NRCAM: variants seen among roughly 807,000 people sequenced by gnomAD.
NRCAM encodes the protein neuronal cell adhesion molecule.
In NRCAM, 83 loss-of-function variants were observed where a neutral mutation model predicts 156.5. The observed-to-expected ratio is 0.53, with a 90% CI of 0.44 to 0.64. The LOEUF (loss-of-function observed/expected upper bound fraction) is 0.64. NRCAM is among the 30% of genes least tolerant of loss of function. NRCAM has a pLI of 0.00. For synonymous variants in NRCAM, 538 were observed against 563.9 expected, an observed-to-expected ratio of 0.95 and a Z score of 0.65; for missense variants, 1,417 against 1,597.3, an observed-to-expected ratio of 0.89 and a Z score of 1.92.
At chr7:108,446,777 T>G (rs1305395889) in intron 1 of NRCAM, among the ~76,000 whole-genome samples, 2 of 151,492 alleles carry the variant, frequency 1.3e-5, no homozygotes, top group African/African-American at 4.9e-5. Flanking sequence ...GCCCAGGCTG[T>G]AGTGCAAGTG....
intron 2 of NRCAM, among the ~76,000 whole-genome samples, chr7:108,320,908 C>T (rs1348634195): frequency 1.3e-5 from 2 of 152,314 alleles, no homozygotes; most frequent in South Asian, 2.1e-4. Flanking sequence ...TGTTAATTTA[C>T]GCAGGCGTAA....
At chr7:108,198,210 A>T in intron 13 of NRCAM, 111 bp from the exon 14 acceptor site, 1 of 754,008 alleles carries the variant, frequency 1.3e-6, no homozygotes, top group Non-Finnish European at 2.0e-6. Flanking sequence ...TACATGCAGT[A>T]AGAATAAGAC....
chr7:108,360,077 A>G (rs1405785010), intron 2 of NRCAM, among the ~76,000 whole-genome samples: 1 of 152,220 alleles, frequency 6.6e-6, no homozygotes, highest in Non-Finnish European at 1.5e-5. Flanking sequence ...TGGATGATTA[A>G]TCTGCTCTAT....
rs188052612 is a variant in NRCAM at position 108,400,608 on chromosome 7, C to T, written c.-331-1015G>A. Among the ~76,000 whole-genome samples, 38 of 152,316 alleles carry T rather than the reference C, an allele frequency of 2.5e-4. No homozygotes were observed. In the East Asian group the frequency reaches 6.4e-3, roughly 25 times the overall value. On this transcript the variant is annotated intron_variant, in intron 1 of 32. Coordinates refer to ENST00000379028, the MANE Select transcript of NRCAM (RefSeq NM_001037132.4). Reference sequence around the variant, plus strand: ...TGATGACCCCTCTAGCTCTAACATTCTGTCTTTTCTACACTTTTGGCACCT... The same window carrying T: ...TGATGACCCCTCTAGCTCTAACATTTTGTCTTTTCTACACTTTTGGCACCT...
chr7:108,268,644 G>GGGGGC (rs1491443403), intron 3 of NRCAM, among the ~76,000 whole-genome samples: 1 of 129,786 alleles, frequency 7.7e-6, no homozygotes, highest in Non-Finnish European at 1.7e-5. Flanking sequence ...GTTGGGGGGG[G>GGGGGC]CGGCGGTGGC....
Position 108,181,957 on chromosome 7 carries a change from G to C in NRCAM, c.2531-20C>G. On this transcript the variant is annotated intron_variant, in intron 23 of 32. Transcript: ENST00000379028. ...TTGGGACTAGGAAAAGGACAGGGAA[G>C]TGGTAGAAGTATCAATGTTATTTTT... 6.6e-7 allele frequency: 1 copy of C among 1,526,252 alleles called. No homozygotes were observed. The highest frequency in any genetic ancestry group is 9.1e-7 in the Non-Finnish European group (1 of 1,103,370). 94.5% of individuals were successfully genotyped at this position (1,526,252 alleles called of 1,614,324 possible).
At chr7:108,410,997 T>C (rs760831547) in intron 1 of NRCAM, among the ~76,000 whole-genome samples, 2 of 142,884 alleles carry the variant, frequency 1.4e-5, no homozygotes, top group Non-Finnish European at 3.2e-5. Context: ...TTCAGTTTTA[T>C]TCTGTTTTTT....
intron 3 of NRCAM, among the ~76,000 whole-genome samples, chr7:108,248,007 G>GA (rs1403279776): frequency 6.6e-6 from 1 of 152,192 alleles, no homozygotes; most frequent in East Asian, 1.9e-4. Flanking sequence ...TCTGAGAAAT[G>GA]AAAATTTAAT....
intron 1 of NRCAM, among the ~76,000 whole-genome samples, chr7:108,403,775 A>G (rs991844381): frequency 4.6e-5 from 7 of 152,234 alleles, no homozygotes; most frequent in Admixed American, 6.5e-5. Context: ...AACATATTGC[A>G]AAAACAGAGC....
chr7:108,315,370 T>C (rs1563229559), intron 2 of NRCAM, among the ~76,000 whole-genome samples: 1 of 152,168 alleles, frequency 6.6e-6, no homozygotes, highest in East Asian at 1.9e-4. Context: ...TTGTTAAAAC[T>C]GGCATTTATC....
At chr7:108,238,675 G>A (rs368102693) in intron 4 of NRCAM, among the ~76,000 whole-genome samples, 3 of 152,062 alleles carry the variant, frequency 2.0e-5, no homozygotes, top group African/African-American at 7.2e-5. Context: ...TCTCTCAAAT[G>A]TTTTCTTTCC....
At position 108,182,905 on chromosome 7, in the gene NRCAM, C is replaced by G; in HGVS notation, c.2320G>C (p.Glu774Gln). The change falls in exon 23 of 33, where the codon GAA becomes CAA. Residue 774 changes from glutamate (E) to glutamine (Q), a missense_variant. Around this residue, in one of 2 missense-constraint regions of NRCAM, gnomAD observed 1,238 missense variants for 1,336.4 expected, o/e 0.93. Coordinates refer to ENST00000379028, the MANE Select transcript of NRCAM (RefSeq NM_001037132.4). The part of the protein sequence containing the change: ...VITWKPLNGF[E>Q]SNGPGLQYKV... The stretch of plus-strand genomic sequence containing the variant: ...TACTGAAGGCCTGGCCCATTAGATT[C>G]GAAACCATTCAAGGGCTACAAGGAA... 6.2e-7 allele frequency: 1 copy of G among 1,614,136 alleles called. No homozygotes were observed. Among genetic ancestry groups the G allele is most frequent in the Non-Finnish European group, 8.5e-7 (1 of 1,179,982 alleles).
At position 108,195,860 on chromosome 7, in the gene NRCAM, C is replaced by T. The variant is rs765324546; in HGVS notation, c.1364G>A (p.Arg455Gln). ...AFVNVLAEPP[R>Q]ILTPANTLYQ... ...GAGTGTGTTTGCAGGTGTGAGGATT[C>T]GTGGTGGCTCAGCTACAAATATTTT... Residue 455 changes from arginine to glutamine, a missense_variant, in exon 15 of 33, where the codon CGA (arginine) becomes CAA (glutamine). Arg to Gln is a conservative substitution (Grantham distance 43). Transcript: ENST00000379028. The T allele has an allele frequency of 1.3e-5, 21 of 1,607,106 alleles. No individual in the cohort carries two copies. Among genetic ancestry groups the T allele is most frequent in the Non-Finnish European group, 1.6e-5 (19 of 1,174,102 alleles).
chr7:108,289,941 T>TA (rs2098235749), intron 3 of NRCAM, among the ~76,000 whole-genome samples: 1 of 151,976 alleles, frequency 6.6e-6, no homozygotes, highest in Admixed American at 6.6e-5. Context: ...TGTAATATAA[T>TA]AAAAAATGGT....
At chr7:108,304,935 A>C (rs2098692783) in intron 3 of NRCAM, among the ~76,000 whole-genome samples, 1 of 152,214 alleles carries the variant, frequency 6.6e-6, no homozygotes, top group Admixed American at 6.5e-5. Flanking sequence ...AGGTATTTGA[A>C]ATCTACCTCC....
At chr7:108,417,833 G>C (rs372939624) in intron 1 of NRCAM, among the ~76,000 whole-genome samples, 12 of 152,110 alleles carry the variant, frequency 7.9e-5, no homozygotes, top group African/African-American at 2.9e-4. Context: ...TACCACTCAC[G>C]GACAGTCACT....
In NRCAM at chr7:108,180,359, G is replaced by T. The variant is rs772282068; in HGVS notation, c.2715C>A (p.Thr905=). The part of the protein sequence containing the change: ...NRRHIEKKIL[T]FQGSKTHGML... Reference sequence around the variant, plus strand: ...TGCCATGAGTCTTGCTGCCTTGGAAGGTGAGGATCTTTTTCTCAATGTGAC... The same window carrying T: ...TGCCATGAGTCTTGCTGCCTTGGAATGTGAGGATCTTTTTCTCAATGTGAC... The change falls in exon 25 of 33, where the codon ACC becomes ACA. Residue 905 remains threonine, a synonymous_variant. Coordinates refer to ENST00000379028, the MANE Select transcript of NRCAM (RefSeq NM_001037132.4). 1 of 1,614,190 alleles carries T rather than the reference G, an allele frequency of 6.2e-7. No individual in the cohort carries two copies.
intron 1 of NRCAM, among the ~76,000 whole-genome samples, chr7:108,399,942 G>T (rs902943720): frequency 1.2e-4 from 18 of 152,188 alleles, no homozygotes; most frequent in Non-Finnish European, 2.9e-5. Context: ...TGCTTCATGG[G>T]AATACACCGT....
intron 1 of NRCAM, among the ~76,000 whole-genome samples, chr7:108,406,653 CA>C (rs2099808311): frequency 6.6e-6 from 1 of 152,154 alleles, no homozygotes; most frequent in African/African-American, 2.4e-5. Flanking sequence ...TGGAGTCAGT[CA>C]AAATGAAATG....
Sources: allele counts gnomAD v4.1 joint callset (sites outside exome capture counted in the v4.1 genomes callset), GRCh38; gene constraint gnomAD v4.1.1; regional missense constraint gnomAD v4.1.1; transcripts MANE v1.5; gene names NCBI Gene and HGNC (gene_info 2026-07-23, HGNC 2026-07-21).